The following MACROD2 variants were observed in gnomAD, a reference collection of about 807,000 sequenced individuals.
The protein encoded by MACROD2 is ADP-ribose glycohydrolase MACROD2.
A neutral mutation model predicts 70.4 loss-of-function variants in MACROD2; 36 were observed. The observed-to-expected ratio is 0.51, with a 90% CI of 0.39 to 0.68. MACROD2 has a LOEUF of 0.68. Among genes scored for constraint, MACROD2 ranks in the 30% least tolerant of loss-of-function variants. The probability of loss-of-function intolerance (pLI) is 0.00; values close to 1 mark genes in which losing one functional copy is unlikely to be tolerated. For synonymous variants in MACROD2, 172 were observed against 178.8 expected (o/e 0.96, Z 0.30); for missense variants, 496 against 538.4 (o/e 0.92, Z 0.78).
At chr20:15,826,684 T>C (rs534406770) in intron 8 of MACROD2, among the ~76,000 whole-genome samples, 2 of 152,352 alleles carry the variant, frequency 1.3e-5, no homozygotes, top group East Asian at 1.9e-4. Context: ...TTTAGTATAA[T>C]GCGTTATAAA....
chr20:14,577,995 A>T (rs1244276489), intron 4 of MACROD2, among the ~76,000 whole-genome samples: 1 of 152,080 alleles, frequency 6.6e-6, no homozygotes, highest in African/African-American at 2.4e-5. Flanking sequence ...CTTCTTATAG[A>T]GCTAGATCCA....
rs1192514846 is a variant in MACROD2, at chr20:15,732,054, C to T, written c.646-130691C>T. Among the ~76,000 whole-genome samples, 6 of 148,068 alleles carry T rather than the reference C, an allele frequency of 4.1e-5. No homozygotes were observed. The East Asian group carries it at 9.8e-4, about 24-fold the overall frequency. On this transcript the variant is annotated intron_variant, in intron 8 of 17. Transcript: ENST00000684519. ...TACAGGTGTAAGCCACAATGCCTGG[C>T]CAAGTTTGCAGCATTCTTGCATGCC...
At chr20:15,508,979 T>C (rs1001097888) in intron 8 of MACROD2, among the ~76,000 whole-genome samples, 1 of 152,180 alleles carries the variant, frequency 6.6e-6, no homozygotes, top group Admixed American at 6.5e-5. Context: ...TTTTTACAAC[T>C]CAAAAAATAA....
At chr20:15,757,802 A>G (rs2051370129) in intron 8 of MACROD2, among the ~76,000 whole-genome samples, 1 of 152,140 alleles carries the variant, frequency 6.6e-6, no homozygotes, top group Admixed American at 6.5e-5. Context: ...TCTTATAAGG[A>G]CACAAATCCC....
At chr20:14,022,622 G>A (rs1250795889) in intron 2 of MACROD2, among the ~76,000 whole-genome samples, 1 of 151,868 alleles carries the variant, frequency 6.6e-6, no homozygotes, top group Non-Finnish European at 1.5e-5. Flanking sequence ...AGGCCCTGAT[G>A]TGTGATGTTC....
intron 5 of MACROD2, among the ~76,000 whole-genome samples, chr20:15,103,452 C>T (rs922581998): frequency 6.6e-6 from 1 of 152,064 alleles, no homozygotes; most frequent in Non-Finnish European, 1.5e-5. Flanking sequence ...CTGACAAGCA[C>T]AATGGGACCA....
At chr20:16,042,932 G>A (rs1047947601) in intron 16 of MACROD2, among the ~76,000 whole-genome samples, 1 of 152,028 alleles carries the variant, frequency 6.6e-6, no homozygotes, top group Non-Finnish European at 1.5e-5. Flanking sequence ...TTTGAAGTGT[G>A]AAAATCAGCA....
At chr20:15,000,624 C>T (rs549935895) in intron 5 of MACROD2, among the ~76,000 whole-genome samples, 6 of 65,190 alleles carry the variant, frequency 9.2e-5, no homozygotes, top group Admixed American at 4.8e-4. Flanking sequence ...AGCGAGACTC[C>T]GTCTCAAAAA....
intron 8 of MACROD2, among the ~76,000 whole-genome samples, chr20:15,615,288 A>G (rs897048968): frequency 4.6e-5 from 7 of 152,156 alleles, no homozygotes; most frequent in African/African-American, 1.7e-4. Flanking sequence ...AGAGAGAGAA[A>G]CTTCTGCACA....
chr20:15,962,409 T>G (rs1217605481), intron 12 of MACROD2, among the ~76,000 whole-genome samples: 1 of 152,214 alleles, frequency 6.6e-6, no homozygotes, highest in Non-Finnish European at 1.5e-5. Flanking sequence ...TTATGAAGCT[T>G]GTAGCTCTAA....
chr20:15,285,550 A>C (rs2098897303), intron 6 of MACROD2, among the ~76,000 whole-genome samples: 1 of 152,192 alleles, frequency 6.6e-6, no homozygotes, highest in Non-Finnish European at 1.5e-5. Flanking sequence ...TGAAGTTTTC[A>C]ATCTCATTGG....
At chr20:15,839,244 A>G (rs949635720) in intron 8 of MACROD2, among the ~76,000 whole-genome samples, 1 of 152,150 alleles carries the variant, frequency 6.6e-6, no homozygotes, top group Non-Finnish European at 1.5e-5. Context: ...AGCAAGGACT[A>G]TGGACAAGAT....
chr20:15,885,813 TATTAA>T lies in MACROD2; in HGVS notation c.775+6_775+10del, dbSNP rs1568618095. On this transcript the variant is annotated splice_donor_5th_base_variant and intron_variant, in intron 10 of 17. Coordinates refer to ENST00000684519, the MANE Select transcript of MACROD2 (RefSeq NM_001351661.2). Reference sequence around the variant, plus strand: ...ATGTTGAAATGAAAGAAGATTCAGGTATTAAATTCATACTTTTATTATTAGGGGGT... The same window carrying T: ...ATGTTGAAATGAAAGAAGATTCAGGTATTCATACTTTTATTATTAGGGGGT... 2.0e-6 allele frequency: 3 copies of T among 1,499,040 alleles called. No individual in the cohort carries two copies. In the South Asian group the frequency reaches 4.0e-5, roughly 20 times the overall value. 92.9% of individuals were successfully genotyped at this position (1,499,040 alleles called of 1,614,324 possible). A position where few individuals can be genotyped will look rare whatever the true frequency, so the allele number is the denominator to read the frequency against.
At chr20:15,452,139 T>C (rs999102298) in intron 7 of MACROD2, among the ~76,000 whole-genome samples, 4 of 152,168 alleles carry the variant, frequency 2.6e-5, no homozygotes, top group Non-Finnish European at 4.4e-5. Flanking sequence ...AGTTCACTTA[T>C]CGGGCAAGCT....
chr20:15,465,813 T>C (rs950989267), intron 7 of MACROD2, among the ~76,000 whole-genome samples: 2 of 152,266 alleles, frequency 1.3e-5, no homozygotes. Flanking sequence ...CACCTTACCT[T>C]TGGTGGCATC....
At chr20:14,781,839 T>C (rs2072305612) in intron 5 of MACROD2, among the ~76,000 whole-genome samples, 2 of 151,990 alleles carry the variant, frequency 1.3e-5, no homozygotes, top group African/African-American at 4.8e-5. Context: ...GTGAAAGAGC[T>C]CATAGAAAGC....
At chr20:14,256,225 T>G (rs1212044131) in intron 3 of MACROD2, among the ~76,000 whole-genome samples, 1 of 152,126 alleles carries the variant, frequency 6.6e-6, no homozygotes, top group African/African-American at 2.4e-5. Flanking sequence ...TCACTTATAC[T>G]TTTTCTAGAA....
At chr20:14,755,316 C>T (rs561732802) in intron 5 of MACROD2, among the ~76,000 whole-genome samples, 2 of 152,208 alleles carry the variant, frequency 1.3e-5, no homozygotes, top group African/African-American at 4.8e-5. Context: ...GCCATGTTCT[C>T]ATCATTCCTC....
In MACROD2 at chr20:14,747,863, C is replaced by G. The variant is rs74751850; in HGVS notation, c.418+62904C>G. ...GAAGAAGGGATGTCAATAGAGGAGC[C>G]TCTCCTGCATGTCTACTAGGACAGT... is the stretch of plus-strand genomic sequence containing the variant. On this transcript the variant is annotated intron_variant, in intron 5 of 17. Coordinates refer to ENST00000684519, the MANE Select transcript of MACROD2 (RefSeq NM_001351661.2). Among the ~76,000 whole-genome samples the G allele has an allele frequency of 1.2e-3, 177 of 152,114 alleles. No homozygotes were observed. In the East Asian group the frequency reaches 0.013, roughly 11 times the overall value.
Sources: allele counts gnomAD v4.1 joint callset (sites outside exome capture counted in the v4.1 genomes callset), GRCh38; gene constraint gnomAD v4.1.1; transcripts MANE v1.5; gene names NCBI Gene and HGNC (gene_info 2026-07-23, HGNC 2026-07-21).